The following SF1 variants were observed in gnomAD, a reference collection of about 807,000 sequenced individuals.
SF1 encodes the protein splicing factor 1.
SF1 carries 7 observed loss-of-function variants against 62.5 expected under a neutral mutation model. That is an observed-to-expected ratio of 0.11 (90% CI 0.06 to 0.21). SF1 has a LOEUF of 0.21. Ranked by LOEUF, SF1 falls within the 10% of genes least tolerant of loss-of-function variation. The pLI, the probability that SF1 is intolerant of heterozygous loss-of-function variation, is 1.00. For missense variants in SF1, 578 were observed against 884.0 expected (o/e 0.65, Z 4.39); for synonymous variants, 394 against 323.6 (o/e 1.22, Z -2.33).
At chr11:64,775,194 G>C (rs1018367132) in intron 2 of SF1, among the ~76,000 whole-genome samples, 1 of 151,730 alleles carries the variant, frequency 6.6e-6, no homozygotes, top group Non-Finnish European at 1.5e-5. Context: ...TAAATAAAAA[G>C]GGTCATTCTC....
intron 1 of SF1, chr11:64,777,649 G>A (rs889559928): frequency 2.0e-6 from 2 of 985,450 alleles, no homozygotes; most frequent in Non-Finnish European, 2.4e-6. Flanking sequence ...CTAGCACCCC[G>A]TCCAGCGCTG....
chr11:64,765,995 G>A lies in SF1; in HGVS notation c.1743C>T (p.Ala581=). 3 of 1,605,828 alleles carry A rather than the reference G, an allele frequency of 1.9e-6. No individual in the cohort carries two copies. Among genetic ancestry groups the A allele is most frequent in the Non-Finnish European group, 2.5e-6 (3 of 1,176,766 alleles). ...GCGGTGGAGGCGGCGGAGGGGGAGGGGCCCCAGGCGGCAGAGGCGGCTGGA... is the reference window on the plus strand; with the variant it reads ...GCGGTGGAGGCGGCGGAGGGGGAGGAGCCCCAGGCGGCAGAGGCGGCTGGA... ...PGVQPPLPPG[A]PPPPPPPPPG... is the part of the protein sequence containing the mutation. Residue 581 remains alanine, a synonymous_variant, in exon 13 of 13, where the codon GCC becomes GCT. Coordinates refer to ENST00000377390, the MANE Select transcript of SF1 (RefSeq NM_004630.4).
chr11:64,766,866 A>ACCCCCCCCCCC, intron 12 of SF1, 34 bp downstream of exon 12: 7 of 181,350 alleles, frequency 3.9e-5, no homozygotes, highest in Non-Finnish European at 7.0e-5. Context: ...CCCCCATCCC[A>ACCCCCCCCCCC]CCCACCCCCA....
intron 10 of SF1, 71 bp from the exon 11 acceptor site, chr11:64,767,322 C>A: frequency 7.0e-7 from 1 of 1,437,618 alleles, no homozygotes; most frequent in Non-Finnish European, 9.8e-7. Context: ...CCTGTGATAA[C>A]CTCAGTTGCT....
chr11:64,777,958 G>C, intron 1 of SF1: 1 of 987,626 alleles, frequency 1.0e-6, no homozygotes, highest in Non-Finnish European at 1.2e-6. Flanking sequence ...TCCGCGCGAC[G>C]CCTCTCGCGC....
intron 2 of SF1, among the ~76,000 whole-genome samples, chr11:64,775,088 T>G (rs151057378): frequency 6.6e-6 from 1 of 152,120 alleles, no homozygotes; most frequent in Non-Finnish European, 1.5e-5. Context: ...GACTTTGCAG[T>G]TGAGTATTAA....
intron 6 of SF1, 33 bp downstream of exon 6, chr11:64,769,393 C>G (rs762306570): frequency 1.9e-6 from 3 of 1,613,582 alleles, no homozygotes; most frequent in Non-Finnish European, 2.5e-6. Context: ...TAGGTTTCTG[C>G]TAGGAGGCTT....
Position 64,769,978 on chromosome 11 carries a change from C to T in SF1, c.465G>A (p.Leu155=). ...DEYPEINFVG[L]LIGPRGNTLK... Reference sequence around the variant, plus strand: ...CAGTTACTCACCTGGGCCCGATGAGCAGCCCCACAAAGTTGATTTCTGGGT... The same window carrying T: ...CAGTTACTCACCTGGGCCCGATGAGTAGCCCCACAAAGTTGATTTCTGGGT... The change falls in exon 5 of 13, where the codon CTG becomes CTA. Residue 155 remains leucine, a synonymous_variant. Coordinates refer to ENST00000377390, the MANE Select transcript of SF1 (RefSeq NM_004630.4). 1 of 1,613,052 alleles carries T rather than the reference C, an allele frequency of 6.2e-7. No homozygotes were observed. Among genetic ancestry groups the T allele is most frequent in the Non-Finnish European group, 8.5e-7 (1 of 1,178,972 alleles).
chr11:64,774,829 C>A (rs940745159), intron 2 of SF1, among the ~76,000 whole-genome samples: 8 of 151,920 alleles, frequency 5.3e-5, no homozygotes, highest in Non-Finnish European at 1.2e-4. Context: ...GGCATGGTGG[C>A]GTGCGCCTGT....
At chr11:64,772,172 A>G in intron 3 of SF1, 2 of 985,382 alleles carry the variant, frequency 2.0e-6, no homozygotes, top group Non-Finnish European at 2.4e-6. Flanking sequence ...AGATCAACTA[A>G]ATTCTAATCC....
Position 64,777,828 on chromosome 11 carries a change from G to A in SF1, c.31+534C>T, listed in dbSNP as rs1341988583. ...GCGCGCGTGCGCACTCGAGGCCCTAGAACCAGGCCGCGCGCGCCCAGGGGC... is the reference window on the plus strand; with the variant it reads ...GCGCGCGTGCGCACTCGAGGCCCTAAAACCAGGCCGCGCGCGCCCAGGGGC... On this transcript the variant is annotated intron_variant, in intron 1 of 12. Coordinates refer to ENST00000377390, the MANE Select transcript of SF1 (RefSeq NM_004630.4). The A allele has an allele frequency of 1.4e-5, 13 of 949,800 alleles. No individual in the cohort carries two copies. The Admixed American group carries it at 2.0e-4, about 15-fold the overall frequency. 58.8% of individuals were successfully genotyped at this position (949,800 alleles called of 1,614,324 possible).
intron 12 of SF1, 61 bp downstream of exon 12, chr11:64,766,839 G>T: frequency 1.5e-6 from 2 of 1,319,356 alleles, no homozygotes; most frequent in South Asian, 1.7e-5. Flanking sequence ...GAGGCTCTAT[G>T]GTTCCTGTCA....
At chr11:64,770,798 AC>A (rs770730248) in intron 3 of SF1, among the ~76,000 whole-genome samples, 1 of 152,050 alleles carries the variant, frequency 6.6e-6, no homozygotes, top group East Asian at 1.9e-4. Context: ...AACCACAGAA[AC>A]CCCAAGTTTA....
intron 12 of SF1, chr11:64,766,557 G>A (rs117161469): frequency 7.2e-6 from 3 of 419,326 alleles, no homozygotes; most frequent in Non-Finnish European, 1.3e-5. Context: ...GCCCTTGCCA[G>A]AGCAAGCATG....
chr11:64,765,576 A>G lies in SF1; in HGVS notation c.*242T>C. The G allele has an allele frequency of 6.4e-7, 1 of 1,552,788 alleles. No homozygotes were observed. Among genetic ancestry groups the G allele is most frequent in the Non-Finnish European group, 8.7e-7 (1 of 1,153,744 alleles). ...GTTGGGTGAGGAGAGAAAGAAGACA[A>G]AGAAGACACTCGATGCTACGGGGCG... On this transcript the variant is annotated 3_prime_UTR_variant, in exon 13 of 13. Coordinates refer to ENST00000377390, the MANE Select transcript of SF1 (RefSeq NM_004630.4).
In SF1 at chr11:64,769,214, A is replaced by G; in HGVS notation, c.779+9T>C. On this transcript the variant is annotated intron_variant, in intron 7 of 12. Transcript: ENST00000377390. ...GGTCTCTACACTCTCCTTTAAACTGATCACATACCTGTTATCGTCTTCCCG... is the reference window on the plus strand; with the variant it reads ...GGTCTCTACACTCTCCTTTAAACTGGTCACATACCTGTTATCGTCTTCCCG... 1 of 1,613,322 alleles carries G rather than the reference A, an allele frequency of 6.2e-7. No homozygotes were observed. Among genetic ancestry groups the G allele is most frequent in the South Asian group, 1.1e-5 (1 of 91,042 alleles).
At chr11:64,776,437 T>A in intron 2 of SF1, 61 bp downstream of exon 2, 1 of 1,541,630 alleles carries the variant, frequency 6.5e-7, no homozygotes, top group African/African-American at 1.4e-5. Flanking sequence ...AAAATGCAGA[T>A]CTTGCTCAGA....
chr11:64,772,051 G>GA, intron 3 of SF1: 1 of 985,420 alleles, frequency 1.0e-6, no homozygotes. Flanking sequence ...TTGGCCATGT[G>GA]AAGGCCTCAC....
chr11:64,777,832 C>T, intron 1 of SF1: 4 of 960,938 alleles, frequency 4.2e-6, no homozygotes, highest in Non-Finnish European at 4.9e-6. Context: ...GCCCTAGAAC[C>T]AGGCCGCGCG....
Sources: gnomAD v4.1 joint callset for allele counts (sites outside exome capture counted in the v4.1 genomes callset) on GRCh38, gnomAD v4.1.1 for gene constraint, MANE v1.5 for transcripts, NCBI Gene and HGNC (gene_info 2026-07-23, HGNC 2026-07-21) for gene names.